Variants in TRABD2B observed in about 807,000 individuals in gnomAD.
The protein encoded by TRABD2B is TraB domain containing 2B, also known as metalloprotease TIKI2.
A neutral mutation model predicts 40.1 loss-of-function variants in TRABD2B; 14 were observed. The ratio of observed to expected loss-of-function variants is 0.35; its 90% CI spans 0.23 to 0.55. The LOEUF is 0.55. TRABD2B is among the 20% of genes least tolerant of loss of function. The probability of loss-of-function intolerance (pLI) is 0.90; values close to 1 mark genes in which losing one functional copy is unlikely to be tolerated. For missense variants in TRABD2B, 541 were observed against 648.6 expected (o/e 0.83, Z 1.80); for synonymous variants, 263 against 277.0 (o/e 0.95, Z 0.50).
At chr1:47,978,754 G>A (rs1477039892) in intron 2 of TRABD2B, among the ~76,000 whole-genome samples, 3 of 152,104 alleles carry the variant, frequency 2.0e-5, no homozygotes, top group African/African-American at 7.2e-5. Flanking sequence ...TTCACACTGC[G>A]GCCCTCTGAC....
intron 2 of TRABD2B, among the ~76,000 whole-genome samples, chr1:47,973,603 C>T (rs1276284501): frequency 6.6e-6 from 1 of 152,146 alleles, no homozygotes; most frequent in Non-Finnish European, 1.5e-5. Context: ...ACCCCAGATT[C>T]TTGAAATCTC....
chr1:47,869,660 G>C (rs1227972573), intron 2 of TRABD2B, among the ~76,000 whole-genome samples: 1 of 152,172 alleles, frequency 6.6e-6, no homozygotes, highest in African/African-American at 2.4e-5. Context: ...AGGGCAGAGA[G>C]AAGGCAGGAA....
At chr1:47,950,650 T>C (rs1232414695) in intron 2 of TRABD2B, among the ~76,000 whole-genome samples, 2 of 152,134 alleles carry the variant, frequency 1.3e-5, no homozygotes, top group African/African-American at 2.4e-5. Context: ...TGAGAAGAGA[T>C]GGCTGCAGAC....
At chr1:47,824,307 C>T (rs1472907188) in intron 2 of TRABD2B, among the ~76,000 whole-genome samples, 1 of 152,182 alleles carries the variant, frequency 6.6e-6, no homozygotes, top group Non-Finnish European at 1.5e-5. Flanking sequence ...TCCACAGAGG[C>T]AGGTCTGGGG....
intron 2 of TRABD2B, among the ~76,000 whole-genome samples, chr1:47,869,033 T>C (rs1474428124): frequency 6.6e-6 from 1 of 152,030 alleles, no homozygotes; most frequent in Non-Finnish European, 1.5e-5. Flanking sequence ...CCCTAATTGG[T>C]CCCCTTCTTC....
chr1:47,878,094 C>A (rs1644249828), intron 2 of TRABD2B, among the ~76,000 whole-genome samples: 1 of 151,646 alleles, frequency 6.6e-6, no homozygotes, highest in South Asian at 2.1e-4. Flanking sequence ...GGAGGTGGAT[C>A]ACCTGAGGTC....
intron 2 of TRABD2B, among the ~76,000 whole-genome samples, chr1:47,851,406 T>A (rs745684318): frequency 2.6e-5 from 4 of 151,392 alleles, no homozygotes; most frequent in Non-Finnish European, 4.4e-5. Flanking sequence ...CTAAGGAGAG[T>A]CACAAGAATG....
At chr1:47,845,195 T>C (rs1326159661) in intron 2 of TRABD2B, among the ~76,000 whole-genome samples, 4 of 152,188 alleles carry the variant, frequency 2.6e-5, no homozygotes, top group African/African-American at 4.8e-5. Flanking sequence ...CACCCCTTTT[T>C]CTGCCACGTT....
intron 2 of TRABD2B, among the ~76,000 whole-genome samples, chr1:47,954,666 T>C (rs912557822): frequency 1.3e-5 from 2 of 152,174 alleles, no homozygotes; most frequent in Non-Finnish European, 2.9e-5. Flanking sequence ...TGTGTCTGTA[T>C]GTGTGTGCCT....
At chr1:47,896,040 T>C (rs1361413546) in intron 2 of TRABD2B, among the ~76,000 whole-genome samples, 3 of 152,214 alleles carry the variant, frequency 2.0e-5, no homozygotes, top group East Asian at 1.9e-4. Context: ...CAGGCACACA[T>C]TGTGATCTCC....
intron 2 of TRABD2B, among the ~76,000 whole-genome samples, chr1:47,878,830 C>A (rs1644260594): frequency 6.6e-6 from 1 of 152,194 alleles, no homozygotes; most frequent in Admixed American, 6.5e-5. Flanking sequence ...GGCACAATGG[C>A]TCCTGCCTGT....
intron 2 of TRABD2B, among the ~76,000 whole-genome samples, chr1:47,846,857 TACACACAC>T (rs67359073): frequency 0.024 from 2,544 of 106,474 alleles, 37 homozygotes; most frequent in Non-Finnish European, 0.037. Flanking sequence ...AAAACATGCA[TACACACAC>T]ACACACACAC....
intron 2 of TRABD2B, among the ~76,000 whole-genome samples, chr1:47,966,037 TG>T (rs1470007759): frequency 2.6e-5 from 4 of 152,178 alleles, no homozygotes; most frequent in Admixed American, 6.5e-5. Flanking sequence ...ACATGTCACT[TG>T]AAGAACTGTC....
At chr1:47,832,776 G>A (rs1461237882) in intron 2 of TRABD2B, among the ~76,000 whole-genome samples, 3 of 152,162 alleles carry the variant, frequency 2.0e-5, no homozygotes, top group African/African-American at 4.8e-5. Flanking sequence ...TGTGGTTAGG[G>A]AGACACAGTT....
intron 2 of TRABD2B, among the ~76,000 whole-genome samples, chr1:47,887,697 C>T (rs750048660): frequency 6.6e-6 from 1 of 152,072 alleles, no homozygotes; most frequent in African/African-American, 2.4e-5. Context: ...CAGGGGTACC[C>T]GGGGAAACCA....
intron 2 of TRABD2B, among the ~76,000 whole-genome samples, chr1:47,938,119 T>C (rs527988579): frequency 1.1e-3 from 169 of 152,206 alleles, no homozygotes; most frequent in African/African-American, 3.9e-3. Context: ...TGAGGGAAAT[T>C]AGATGAGGCC....
intron 2 of TRABD2B, among the ~76,000 whole-genome samples, chr1:47,950,703 G>A (rs926049695): frequency 2.6e-5 from 4 of 152,174 alleles, no homozygotes; most frequent in South Asian, 2.1e-4. Context: ...AGGCTGCCTC[G>A]GTCACTCTCA....
intron 2 of TRABD2B, among the ~76,000 whole-genome samples, chr1:47,895,918 TG>T (rs899842994): frequency 1.3e-5 from 2 of 152,214 alleles, no homozygotes; most frequent in African/African-American, 4.8e-5. Context: ...TCTCCATCAC[TG>T]GGACTTGTCC....
chr1:47,814,954 G>A (rs1163393117), intron 2 of TRABD2B, among the ~76,000 whole-genome samples: 1 of 152,210 alleles, frequency 6.6e-6, no homozygotes, highest in East Asian at 1.9e-4. Context: ...GCGAGGGAGG[G>A]TCCTTAGATC....
Sources: gnomAD v4.1 joint callset for allele counts (sites outside exome capture counted in the v4.1 genomes callset) on GRCh38, gnomAD v4.1.1 for gene constraint, MANE v1.5 for transcripts, NCBI Gene and HGNC (gene_info 2026-07-23, HGNC 2026-07-21) for gene names.